Variants in HOMER2 observed in about 807,000 individuals in gnomAD.
HOMER2 encodes the protein homer protein homolog 2.
Under a neutral mutation model 47.0 loss-of-function variants are expected in HOMER2, and 27 were observed. That is an observed-to-expected ratio of 0.57 (90% confidence interval 0.42 to 0.79). The LOEUF is 0.79. Ranked by LOEUF, HOMER2 falls within the 30% of genes least tolerant of loss-of-function variation. The pLI, the probability that HOMER2 is intolerant of heterozygous loss-of-function variation, is 0.00. For synonymous variants in HOMER2, 161 were observed against 163.8 expected (o/e 0.98, Z 0.13); for missense variants, 443 against 435.0 (o/e 1.02, Z -0.16).
At chr15:82,897,580 G>C (rs2052975687) in intron 1 of HOMER2, among the ~76,000 whole-genome samples, 2 of 152,120 alleles carry the variant, frequency 1.3e-5, no homozygotes, top group South Asian at 4.2e-4. Flanking sequence ...CAAAGGTGAT[G>C]GGATGTCATT....
At chr15:82,835,125 GTTTT>G (rs776833355), downstream of HOMER2, 6 of 84,866 alleles carry the variant, frequency 7.1e-5, no homozygotes, top group Admixed American at 3.8e-4. Context: ...TCCTACTTCA[GTTTT>G]TTTGTTTTTT....
chr15:82,894,688 AT>A (rs1395653498), intron 1 of HOMER2, among the ~76,000 whole-genome samples: 7 of 151,284 alleles, frequency 4.6e-5, no homozygotes, highest in Non-Finnish European at 7.4e-5. Context: ...AAAAAAAAAA[AT>A]AGTCCCATTG....
chr15:82,928,484 C>T (rs756777924), intron 1 of HOMER2, among the ~76,000 whole-genome samples: 27 of 152,042 alleles, frequency 1.8e-4, no homozygotes, highest in Non-Finnish European at 2.4e-4. Flanking sequence ...GGTTAGAAAA[C>T]AAAAGCAAAT....
intron 1 of HOMER2, among the ~76,000 whole-genome samples, chr15:82,944,095 C>T (rs187113377): frequency 1.3e-5 from 2 of 152,158 alleles, no homozygotes; most frequent in East Asian, 1.9e-4. Context: ...AATGTGTTCC[C>T]CACAAGCATA....
chr15:82,880,499 A>G (rs1053478693), intron 2 of HOMER2, among the ~76,000 whole-genome samples: 1 of 152,260 alleles, frequency 6.6e-6, no homozygotes, highest in African/African-American at 2.4e-5. Flanking sequence ...GGTGGTGGGT[A>G]CATATGGGTT....
chr15:82,915,711 C>T (rs1298171301), intron 1 of HOMER2, among the ~76,000 whole-genome samples: 1 of 152,058 alleles, frequency 6.6e-6, no homozygotes, highest in African/African-American at 2.4e-5. Context: ...GCATACTCCT[C>T]AACCCAACAA....
At chr15:82,862,010 G>A (rs935816430) in intron 4 of HOMER2, among the ~76,000 whole-genome samples, 1 of 152,202 alleles carries the variant, frequency 6.6e-6, no homozygotes, top group East Asian at 1.9e-4. Context: ...CTGCACTCCA[G>A]CCTGGGCAAC....
chr15:82,842,764 G>T (rs1236051034), exon 2 of HOMER2: 1 of 152,174 alleles, frequency 6.6e-6, no homozygotes, highest in Non-Finnish European at 1.5e-5. Flanking sequence ...AGGCCAGGGT[G>T]CTTATCCTGG....
intron 1 of HOMER2, among the ~76,000 whole-genome samples, chr15:82,965,735 T>C (rs569758709): frequency 5.3e-5 from 8 of 151,916 alleles, no homozygotes; most frequent in Non-Finnish European, 7.4e-5. Flanking sequence ...GCAGAGTGCA[T>C]TGGCTCCTGA....
chr15:82,952,248 G>C (rs1473492912), intron 1 of HOMER2, among the ~76,000 whole-genome samples: 2 of 152,372 alleles, frequency 1.3e-5, no homozygotes, highest in East Asian at 3.9e-4. Flanking sequence ...AGGCCGGCCA[G>C]GGCACCGGTC....
intron 4 of HOMER2, among the ~76,000 whole-genome samples, chr15:82,860,810 G>A (rs1022249335): frequency 5.3e-5 from 8 of 151,830 alleles, no homozygotes; most frequent in Admixed American, 1.3e-4. Context: ...GGTGGCAGGC[G>A]CCTGTAATCC....
At chr15:82,861,984 A>G (rs953333790) in intron 4 of HOMER2, among the ~76,000 whole-genome samples, 3 of 152,308 alleles carry the variant, frequency 2.0e-5, no homozygotes, top group Non-Finnish European at 4.4e-5. Flanking sequence ...GGTTGCAGCA[A>G]GCTGAGATCG....
At chr15:82,980,498 G>C (rs2151263749) in intron 1 of HOMER2, among the ~76,000 whole-genome samples, 1 of 152,244 alleles carries the variant, frequency 6.6e-6, no homozygotes, top group Non-Finnish European at 1.5e-5. Flanking sequence ...GACCACCCTG[G>C]TGTCTTTCCC....
chr15:82,902,197 A>ATT (rs35594463), intron 1 of HOMER2, among the ~76,000 whole-genome samples: 5,277 of 135,006 alleles, frequency 0.039, 366 homozygotes, highest in African/African-American at 0.13. Flanking sequence ...CATCCAAGTG[A>ATT]TTTTTTTTTT....
downstream of HOMER2, among the ~76,000 whole-genome samples, chr15:82,848,743 G>A (rs760852907): frequency 2.6e-5 from 4 of 152,176 alleles, no homozygotes; most frequent in African/African-American, 7.2e-5. Flanking sequence ...AAGGTGATTC[G>A]AGGGTCTGGA....
chr15:82,965,254 A>G (rs982503463), intron 1 of HOMER2, among the ~76,000 whole-genome samples: 1 of 152,154 alleles, frequency 6.6e-6, no homozygotes, highest in African/African-American at 2.4e-5. Context: ...GCTAGCCTCA[A>G]GTGATCCTCC....
intron 1 of HOMER2, among the ~76,000 whole-genome samples, chr15:82,937,365 C>T (rs574663575): frequency 3.8e-4 from 58 of 152,300 alleles, no homozygotes; most frequent in African/African-American, 1.4e-3. Flanking sequence ...TGGGCTGCTG[C>T]TGGACTGAGT....
chr15:82,849,267 G>C lies in HOMER2; in HGVS notation c.*448C>G, dbSNP rs141923876. The C allele has an allele frequency of 5.9e-3, 912 of 154,306 alleles. 31 individuals are homozygous for C. Among genetic ancestry groups the C allele is most frequent in the Admixed American group, 0.053 (821 of 15,404 alleles). The allele number at this position is 154,306 out of a possible 1,614,324, so 9.6% of individuals were successfully genotyped here. A position where few individuals can be genotyped will look rare whatever the true frequency, so the allele number is the denominator to read the frequency against. Reference sequence around the variant, plus strand: ...AAAGCCTCTCGATGTTGACAGAGAGGAATGTTGTTCTCTCTGTGCCCCCCG... The same window carrying C: ...AAAGCCTCTCGATGTTGACAGAGAGCAATGTTGTTCTCTCTGTGCCCCCCG... On this transcript the variant is annotated 3_prime_UTR_variant, in exon 9 of 9. Transcript: ENST00000450735.
At chr15:82,948,259 C>T (rs751123963) in intron 1 of HOMER2, among the ~76,000 whole-genome samples, 51 of 152,166 alleles carry the variant, frequency 3.4e-4, no homozygotes, top group Non-Finnish European at 6.9e-4. Flanking sequence ...GGCGTGGTGG[C>T]GGGCGCCTGT....
Sources: gnomAD v4.1 joint callset for allele counts (sites outside exome capture counted in the v4.1 genomes callset) on GRCh38, gnomAD v4.1.1 for gene constraint, MANE v1.5 for transcripts, NCBI Gene and HGNC (gene_info 2026-07-23, HGNC 2026-07-21) for gene names.